The following ANK3 variants were observed in gnomAD, a reference collection of about 807,000 sequenced individuals.
ANK3 encodes ankyrin-3.
A neutral mutation model predicts 370.9 loss-of-function variants in ANK3; 57 were observed. The observed-to-expected ratio is 0.15, with a 90% confidence interval of 0.12 to 0.19. The LOEUF is 0.19. Ranked by LOEUF, ANK3 falls within the 10% of genes least tolerant of loss-of-function variation. The probability of loss-of-function intolerance (pLI) is 1.00; values close to 1 mark genes in which losing one functional copy is unlikely to be tolerated. For synonymous variants in ANK3, 1,929 were observed against 1,946.3 expected (o/e 0.99, Z 0.23); for missense variants, 4,439 against 5,302.1 (o/e 0.84, Z 5.06).
intron 2 of ANK3, among the ~76,000 whole-genome samples, chr10:60,430,535 T>C (rs1336670396): frequency 2.0e-5 from 3 of 152,142 alleles, no homozygotes; most frequent in Non-Finnish European, 4.4e-5. Flanking sequence ...ATCAGGACAC[T>C]ATTAAGATTG....
intron 23 of ANK3, among the ~76,000 whole-genome samples, chr10:60,147,519 C>G (rs34648800): frequency 0.085 from 12,872 of 152,190 alleles, 736 homozygotes; most frequent in Non-Finnish European, 0.12. Flanking sequence ...CTCTGTGTCC[C>G]CACCAAATCT....
intron 1 of ANK3, among the ~76,000 whole-genome samples, chr10:60,620,993 T>A (rs997989661): frequency 6.6e-6 from 1 of 152,160 alleles, no homozygotes; most frequent in Non-Finnish European, 1.5e-5. Context: ...TGCCCGAAGT[T>A]ACGCAGCTTA....
intron 1 of ANK3, among the ~76,000 whole-genome samples, chr10:60,284,277 T>G (rs1024299085): frequency 6.6e-6 from 1 of 152,186 alleles, no homozygotes; most frequent in African/African-American, 2.4e-5. Flanking sequence ...ACCTTGATTT[T>G]GGACTTCTGG....
chr10:60,495,993 TC>T (rs1192027274), intron 2 of ANK3, among the ~76,000 whole-genome samples: 1 of 150,856 alleles, frequency 6.6e-6, no homozygotes, highest in African/African-American at 2.4e-5. Context: ...TTTTTTTTTT[TC>T]TCTTGTTTCC....
At chr10:60,502,079 A>C (rs1160101058) in intron 2 of ANK3, among the ~76,000 whole-genome samples, 1 of 152,160 alleles carries the variant, frequency 6.6e-6, no homozygotes, top group Non-Finnish European at 1.5e-5. Flanking sequence ...AATTTAAGCA[A>C]AATAATGGAA....
In ANK3 at chr10:60,572,343, A is replaced by C. The variant is rs929340827; in HGVS notation, c.96+42843T>G. On this transcript the variant is annotated intron_variant, in intron 2 of 43. Transcript: ENST00000373827. Reference sequence around the variant, plus strand: ...ATTAATAGACTGGAAAAACAAAAGCATTCAGATTCTAGCAGCTTCTTAAAA... The same window carrying C: ...ATTAATAGACTGGAAAAACAAAAGCCTTCAGATTCTAGCAGCTTCTTAAAA... 5.0e-6 allele frequency: 5 copies of C among 995,296 alleles called. No homozygotes were observed. The African/African-American group carries it at 8.2e-5, about 16-fold the overall frequency. The allele number at this position is 995,296 out of a possible 1,614,324, so 61.7% of individuals were successfully genotyped here. A position where few individuals can be genotyped will look rare whatever the true frequency, so the allele number is the denominator to read the frequency against.
At chr10:60,660,918 T>TCACA (rs140134322) in intron 1 of ANK3, among the ~76,000 whole-genome samples, 2 of 148,830 alleles carry the variant, frequency 1.3e-5, no homozygotes, top group Non-Finnish European at 1.5e-5. Context: ...AAATACACAC[T>TCACA]CACACACACA....
chr10:60,423,420 T>C (rs2063817629), intron 2 of ANK3, among the ~76,000 whole-genome samples: 2 of 127,408 alleles, frequency 1.6e-5, no homozygotes, highest in African/African-American at 5.5e-5. Flanking sequence ...TGATTCTCCA[T>C]CTTTTTTTTT....
intron 1 of ANK3, among the ~76,000 whole-genome samples, chr10:60,311,798 A>T (rs1192058173): frequency 6.6e-6 from 1 of 152,188 alleles, no homozygotes; most frequent in Non-Finnish European, 1.5e-5. Flanking sequence ...TAGGTCACAG[A>T]ATATGTATTG....
chr10:60,638,197 G>T (rs1296027949), intron 1 of ANK3, among the ~76,000 whole-genome samples: 1 of 152,166 alleles, frequency 6.6e-6, no homozygotes, highest in African/African-American at 2.4e-5. Flanking sequence ...GAACCAGTAG[G>T]CTGAAAAGTT....
intron 1 of ANK3, among the ~76,000 whole-genome samples, chr10:60,618,031 C>A (rs1052552879): frequency 1.1e-4 from 16 of 152,118 alleles, no homozygotes; most frequent in African/African-American, 3.4e-4. Context: ...GTGGAAGCAT[C>A]CCTCAGTTCT....
rs2079042469 is a variant in ANK3 at position 60,055,692 on chromosome 10, T to G, written c.13031A>C (p.His4344Pro). 6.2e-7 allele frequency: 1 copy of G among 1,613,296 alleles called. No homozygotes were observed. The highest frequency in any genetic ancestry group is 8.5e-7 in the Non-Finnish European group (1 of 1,179,806). ...PADGKPRLSL[H>P]EEEGSSGSEQ... ...AGACCCACTGGACCCCTCTTCTTCA[T>G]GGAGGCTAAGCCTTGGCTTGCCATC... is the stretch of plus-strand genomic sequence containing the variant. The change falls in exon 42 of 44, where the codon CAT becomes CCT. Residue 4344 changes from histidine to proline, a missense_variant. Physicochemically the swap from His to Pro is moderately conservative, Grantham distance 77. Around this residue, in one of 13 missense-constraint regions of ANK3, gnomAD observed 242 missense variants for 228.0 expected, o/e 1.06. Coordinates refer to ENST00000280772, the MANE Select transcript of ANK3 (RefSeq NM_020987.5).
At chr10:60,533,792 C>T (rs2076660875) in intron 2 of ANK3, among the ~76,000 whole-genome samples, 1 of 151,956 alleles carries the variant, frequency 6.6e-6, no homozygotes, top group African/African-American at 2.4e-5. Context: ...CTCTTTATAC[C>T]ATCTACCTTT....
intron 8 of ANK3, among the ~76,000 whole-genome samples, chr10:60,216,430 A>G (rs2096938190): frequency 6.6e-6 from 1 of 152,092 alleles, no homozygotes; most frequent in African/African-American, 2.4e-5. Flanking sequence ...TCATTTTGAG[A>G]TATGTTCCAT....
At chr10:60,708,573 C>T (rs1269687889) in intron 1 of ANK3, among the ~76,000 whole-genome samples, 1 of 152,150 alleles carries the variant, frequency 6.6e-6, no homozygotes, top group Non-Finnish European at 1.5e-5. Context: ...TTGAAATACA[C>T]CCAGAACATT....
At chr10:60,272,216 AT>A (rs1260477621) in intron 4 of ANK3, among the ~76,000 whole-genome samples, 1 of 151,634 alleles carries the variant, frequency 6.6e-6, no homozygotes, top group East Asian at 1.9e-4. Context: ...GTTTAGGATT[AT>A]CCTCATCATA....
chr10:60,706,627 C>T (rs2079622997), intron 1 of ANK3, among the ~76,000 whole-genome samples: 1 of 151,792 alleles, frequency 6.6e-6, no homozygotes, highest in African/African-American at 2.4e-5. Flanking sequence ...TTTCTTTCCT[C>T]TTTCTTTAAC....
At position 60,503,303 on chromosome 10, in the gene ANK3, G is replaced by A. The variant is rs561200727; in HGVS notation, c.96+111883C>T. ...ATTTGCTATGAAGTTTTTAATAAAG[G>A]GAACAACCATTAGTTACAATCAATA... On this transcript the variant is annotated intron_variant, in intron 2 of 43. Transcript: ENST00000373827. Among the ~76,000 whole-genome samples, 3 of 152,164 alleles carry A rather than the reference G, an allele frequency of 2.0e-5. 1 individual carries two copies. The East Asian group carries it at 5.8e-4, about 29-fold the overall frequency.
intron 25 of ANK3, among the ~76,000 whole-genome samples, chr10:60,129,471 G>T (rs186926796): frequency 3.6e-4 from 55 of 152,162 alleles, no homozygotes; most frequent in Middle Eastern, 3.4e-3. Flanking sequence ...TCTCCAGGTG[G>T]CCGGGCATGG....
Sources: allele counts gnomAD v4.1 joint callset (sites outside exome capture counted in the v4.1 genomes callset), GRCh38; gene constraint gnomAD v4.1.1; regional missense constraint gnomAD v4.1.1; transcripts MANE v1.5; gene names NCBI Gene and HGNC (gene_info 2026-07-23, HGNC 2026-07-21).